The following URB1 variants were observed in gnomAD, a reference collection of about 807,000 sequenced individuals.
URB1 encodes nucleolar pre-ribosomal-associated protein 1.
Under a neutral mutation model 242.3 loss-of-function variants are expected in URB1, and 197 were observed. The observed-to-expected ratio is 0.81, with a 90% CI of 0.72 to 0.91. The LOEUF (loss-of-function observed/expected upper bound fraction) is 0.91. URB1 is among the 40% of genes least tolerant of loss of function. URB1 has a pLI of 0.00. For synonymous variants in URB1, 1,153 were observed against 1,201.8 expected, an observed-to-expected ratio of 0.96 and a Z score of 0.84; for missense variants, 2,721 against 2,860.5, an observed-to-expected ratio of 0.95 and a Z score of 1.11.
intron 19 of URB1, 133 bp downstream of exon 19, chr21:32,352,577 G>T (rs2033169748): frequency 9.9e-7 from 1 of 1,006,088 alleles, no homozygotes; most frequent in South Asian, 1.6e-5. Flanking sequence ...CTCTTATGCA[G>T]GGGACTTTAG....
intron 24 of URB1, among the ~76,000 whole-genome samples, chr21:32,344,080 G>T (rs377655380): frequency 5.9e-5 from 9 of 152,210 alleles, no homozygotes; most frequent in South Asian, 2.1e-4. Flanking sequence ...GTTTTATAAG[G>T]CCAGCATTAC....
At chr21:32,341,402 C>G (rs936484403) in intron 25 of URB1, 64 bp downstream of exon 25, 1 of 1,479,182 alleles carries the variant, frequency 6.8e-7, no homozygotes, top group African/African-American at 1.4e-5. Flanking sequence ...ATAAAAGAGG[C>G]TTTGCATGCT....
intron 36 of URB1, 120 bp from the exon 37 acceptor site, chr21:32,318,037 G>C (rs1302013464): frequency 7.5e-7 from 1 of 1,335,974 alleles, no homozygotes; most frequent in African/African-American, 1.5e-5. Context: ...CCAGGAACCA[G>C]GTTTTCCTGC....
intron 13 of URB1, 48 bp from the exon 14 acceptor site, chr21:32,359,956 T>C (rs1253835438): frequency 2.6e-6 from 4 of 1,515,012 alleles, no homozygotes; most frequent in South Asian, 1.2e-5. Context: ...TGGACGTGGG[T>C]GCCCAACAAT....
At position 32,326,100 on chromosome 21, in the gene URB1, G is replaced by A. The variant is rs375019332; in HGVS notation, c.4961-711C>T. On this transcript the variant is annotated intron_variant, in intron 30 of 38. Transcript: ENST00000382751. ...GAAGGTCAGACACATGAGGGGATGCGCCTTACCACAACCTAGAGGGCTCTT... is the reference window on the plus strand; with the variant it reads ...GAAGGTCAGACACATGAGGGGATGCACCTTACCACAACCTAGAGGGCTCTT... Among the ~76,000 whole-genome samples, 25 of 152,134 alleles carry A rather than the reference G, an allele frequency of 1.6e-4. 1 individual carries two copies. Among genetic ancestry groups the A allele is most frequent in the South Asian group, 8.3e-4 (4 of 4,820 alleles).
chr21:32,363,353 C>T, intron 10 of URB1, 24 bp from the exon 11 acceptor site: 14 of 1,547,500 alleles, frequency 9.0e-6, no homozygotes, highest in Non-Finnish European at 1.1e-5. Flanking sequence ...GAGTTAAATG[C>T]ACACATGTCT....
At chr21:32,382,815 C>T (rs2033541300) in intron 4 of URB1, among the ~76,000 whole-genome samples, 1 of 152,114 alleles carries the variant, frequency 6.6e-6, no homozygotes, top group Non-Finnish European at 1.5e-5. Context: ...GCCTGCTCCC[C>T]AAGAACCTTT....
chr21:32,316,635 C>A lies in URB1; in HGVS notation c.6465G>T (p.Arg2155=). Residue 2155 remains arginine (R), a synonymous_variant, in exon 38 of 39, where the codon CGG becomes CGT. Transcript: ENST00000382751. Reference sequence around the variant, plus strand: ...CTGCCAGCCCCTCAGCCCCACAGAGCCGGCTATACAGCCTGAATATGCTGC... The same window carrying A: ...CTGCCAGCCCCTCAGCCCCACAGAGACGGCTATACAGCCTGAATATGCTGC... ...VRSSIFRLYS[R]LCGAEGLAGP... is the part of the protein sequence containing the mutation. The A allele has an allele frequency of 6.4e-7, 1 of 1,551,576 alleles. No individual in the cohort carries two copies. The highest frequency in any genetic ancestry group is 2.4e-5 in the East Asian group (1 of 40,922).
chr21:32,385,551 T>C lies in URB1; in HGVS notation c.276A>G (p.Glu92=). 6.4e-7 allele frequency: 1 copy of C among 1,552,118 alleles called. No individual in the cohort carries two copies. The highest frequency in any genetic ancestry group is 8.7e-7 in the Non-Finnish European group (1 of 1,147,062). The change falls in exon 2 of 39, where the codon GAA becomes GAG. Residue 92 remains glutamate, a synonymous_variant. Transcript: ENST00000382751. ...CATGTAAGGAACAACTTACTTCACT[T>C]TCAGGTCGTTTCTCTCCACTTAGGA... is the stretch of plus-strand genomic sequence containing the variant. The part of the protein sequence containing the change: ...FQLLSGEKRP[E]SETMLIFQVF...
Position 32,337,088 on chromosome 21 carries a change from A to G in URB1, c.4685+6T>C, listed in dbSNP as rs1314106095. On this transcript the variant is annotated splice_donor_region_variant and intron_variant, in intron 28 of 38. Transcript: ENST00000382751. ...AGGCCTAGTCTACCTCTAGCCCAAC[A>G]CTCACCTGAAGTTGATGAGGCTGAG... 5 of 1,551,570 alleles carry G rather than the reference A, an allele frequency of 3.2e-6. No individual in the cohort carries two copies. In the African/African-American group the frequency reaches 6.8e-5, roughly 21 times the overall value.
In URB1 at chr21:32,314,721, T is replaced by C. The variant is rs2032652998; in HGVS notation, c.*197A>G. On this transcript the variant is annotated 3_prime_UTR_variant, in exon 39 of 39. Transcript: ENST00000382751. ...CCTTGCAACTCTGATGCTGGGCACC[T>C]ACAGGCCCGAGTTTATCATTTACTG... 2.6e-6 allele frequency: 4 copies of C among 1,528,958 alleles called. No homozygotes were observed. Among genetic ancestry groups the C allele is most frequent in the Non-Finnish European group, 3.6e-6 (4 of 1,105,144 alleles). 94.7% of individuals were successfully genotyped at this position (1,528,958 alleles called of 1,614,324 possible).
At chr21:32,385,799 G>T in intron 1 of URB1, 115 bp from the exon 2 acceptor site, 1 of 1,288,628 alleles carries the variant, frequency 7.8e-7, no homozygotes, top group Non-Finnish European at 1.0e-6. Flanking sequence ...CACCTACACT[G>T]CACAGAAGCT....
rs2123579046 is a variant in URB1 at position 32,347,378 on chromosome 21, T to A, written c.3446A>T (p.His1149Leu). 1.3e-6 allele frequency: 2 copies of A among 1,551,360 alleles called. No individual in the cohort carries two copies. Among genetic ancestry groups the A allele is most frequent in the East Asian group, 4.9e-5 (2 of 40,906 alleles). ...QPTKSPGKER[H>L]LNALGKTLVQ... is the part of the protein sequence containing the mutation. Reference sequence around the variant, plus strand: ...CAGGGTCTTTCCAAGAGCATTCAGGTGTCTTTCCTTCCCGGGGGATTTCGT... The same window carrying A: ...CAGGGTCTTTCCAAGAGCATTCAGGAGTCTTTCCTTCCCGGGGGATTTCGT... Residue 1149 changes from histidine to leucine, a missense_variant, in exon 22 of 39, where the codon CAC (histidine) becomes CTC (leucine). By Grantham distance (99) the His-to-Leu change is moderately conservative. Coordinates refer to ENST00000382751, the MANE Select transcript of URB1 (RefSeq NM_014825.3).
chr21:32,333,207 T>G (rs2032916114), intron 30 of URB1, 110 bp downstream of exon 30: 1 of 894,082 alleles, frequency 1.1e-6, no homozygotes, highest in Non-Finnish European at 1.8e-6. Flanking sequence ...AAGAATTATT[T>G]CCAAGATTCA....
intron 24 of URB1, 138 bp from the exon 25 acceptor site, chr21:32,341,662 G>A: frequency 1.3e-6 from 1 of 741,298 alleles, no homozygotes; most frequent in Non-Finnish European, 2.2e-6. Flanking sequence ...ATGATCAAAG[G>A]GTTGAAAAGA....
At chr21:32,366,328 AAAGG>A (rs2033345947) in intron 10 of URB1, among the ~76,000 whole-genome samples, 1 of 152,202 alleles carries the variant, frequency 6.6e-6, no homozygotes. Flanking sequence ...GCAGGACTAG[AAAGG>A]CTTGGAGGGA....
At chr21:32,365,392 A>G (rs1347553050) in intron 10 of URB1, among the ~76,000 whole-genome samples, 1 of 152,148 alleles carries the variant, frequency 6.6e-6, no homozygotes, top group African/African-American at 2.4e-5. Flanking sequence ...TTGACGCTGC[A>G]ATGAGCTATG....
In URB1 at chr21:32,313,512, A is replaced by G. The variant is rs2123532193; in HGVS notation, c.*1406T>C. On this transcript the variant is annotated 3_prime_UTR_variant, in exon 39 of 39. Transcript: ENST00000382751. The stretch of plus-strand genomic sequence containing the variant: ...GGTAGGGAAGGGGACAAGTGAGGTA[A>G]CTGATCCTTGCTTTGTAGACAGTGC... The G allele has an allele frequency of 6.6e-6, 1 of 152,354 alleles. No homozygotes were observed. Among genetic ancestry groups the G allele is most frequent in the East Asian group, 1.9e-4 (1 of 5,190 alleles). The allele number at this position is 152,354 out of a possible 1,614,324, so 9.4% of individuals were successfully genotyped here. A position where few individuals can be genotyped will look rare whatever the true frequency, so the allele number is the denominator to read the frequency against.
chr21:32,350,556 C>T, intron 20 of URB1, 148 bp downstream of exon 20: 1 of 928,320 alleles, frequency 1.1e-6, no homozygotes, highest in Admixed American at 2.7e-5. Flanking sequence ...GAGTTTGCAG[C>T]TGAGGTCTGG....
Sources: allele counts gnomAD v4.1 joint callset (sites outside exome capture counted in the v4.1 genomes callset), GRCh38; gene constraint gnomAD v4.1.1; transcripts MANE v1.5; gene names NCBI Gene and HGNC (gene_info 2026-07-23, HGNC 2026-07-21).